VPS35L: variants seen among roughly 807,000 people sequenced by gnomAD.
VPS35L encodes VPS35 endosomal protein sorting factor like.
In VPS35L, 83 loss-of-function variants were observed where a neutral mutation model predicts 133.0. The ratio of observed to expected loss-of-function variants is 0.62; its 90% CI spans 0.52 to 0.75. The LOEUF (loss-of-function observed/expected upper bound fraction) is 0.75. Ranked by LOEUF, VPS35L falls within the 30% of genes least tolerant of loss-of-function variation. The probability of loss-of-function intolerance (pLI) is 0.00; values close to 1 mark genes in which losing one functional copy is unlikely to be tolerated. For missense variants in VPS35L, 1,083 were observed against 1,206.8 expected (o/e 0.90, Z 1.52); for synonymous variants, 423 against 449.9 (o/e 0.94, Z 0.76).
At chr16:19,573,981 C>T (rs1301336026) in intron 4 of VPS35L, among the ~76,000 whole-genome samples, 3 of 152,090 alleles carry the variant, frequency 2.0e-5, no homozygotes, top group Non-Finnish European at 2.9e-5. Flanking sequence ...TGGCTTTGGC[C>T]TCAAGACACT....
In VPS35L at chr16:19,569,511, C is replaced by G. The variant is rs1567387198; in HGVS notation, c.205C>G (p.Leu69Val). 6.2e-7 allele frequency: 1 copy of G among 1,611,012 alleles called. No homozygotes were observed. Among genetic ancestry groups the G allele is most frequent in the Non-Finnish European group, 8.5e-7 (1 of 1,178,742 alleles). ...CTCCTCCAGCTCCGTGGTGGACCCGCTGAGCAGCGTCCTCGATGGGACTGA... is the reference window on the plus strand; with the variant it reads ...CTCCTCCAGCTCCGTGGTGGACCCGGTGAGCAGCGTCCTCGATGGGACTGA... Reference protein sequence around the residue: ...SSSSSSVVDPLSSVLDGTDPL... With the variant: ...SSSSSSVVDPVSSVLDGTDPL... Residue 69 changes from leucine to valine, a missense_variant, in exon 3 of 31, where the codon CTG becomes GTG. Physicochemically the swap from Leu to Val is conservative, Grantham distance 32 (BLOSUM62 1). Transcript: ENST00000417362.
chr16:19,588,439 A>C (rs901686582), intron 7 of VPS35L, among the ~76,000 whole-genome samples: 4 of 151,374 alleles, frequency 2.6e-5, no homozygotes, highest in Admixed American at 1.3e-4. Context: ...TGATCCACCC[A>C]CCTTGCCCCC....
chr16:19,585,973 A>G (rs1363278358), intron 7 of VPS35L, among the ~76,000 whole-genome samples: 2 of 151,304 alleles, frequency 1.3e-5, no homozygotes, highest in South Asian at 2.1e-4. Flanking sequence ...TCACAGCTCA[A>G]TATAGCCTTG....
intron 14 of VPS35L, among the ~76,000 whole-genome samples, chr16:19,619,237 ATC>A (rs1972999408): frequency 6.6e-6 from 1 of 151,818 alleles, no homozygotes; most frequent in Non-Finnish European, 1.5e-5. Flanking sequence ...CCAGCCGCCC[ATC>A]TCTGTTTTCT....
Position 19,608,213 on chromosome 16 carries a change from A to C in VPS35L, c.820A>C (p.Lys274Gln), listed in dbSNP as rs780037763. Reference sequence around the variant, plus strand: ...TCCAGAGAATGCAAATGACACGGCCAAGGAAACATGCCTAAATTGGTTTTT... The same window carrying C: ...TCCAGAGAATGCAAATGACACGGCCCAGGAAACATGCCTAAATTGGTTTTT... ...FSPENANDTA[K>Q]ETCLNWFFKI... is the part of the protein sequence containing the mutation. The change falls in exon 10 of 31, where the codon AAG becomes CAG. Residue 274 changes from lysine (K) to glutamine (Q), a missense_variant. Transcript: ENST00000417362. The C allele has an allele frequency of 1.2e-6, 2 of 1,613,560 alleles. No individual in the cohort carries two copies. Among genetic ancestry groups the C allele is most frequent in the South Asian group, 2.2e-5 (2 of 91,060 alleles).
intron 21 of VPS35L, among the ~76,000 whole-genome samples, chr16:19,642,077 A>T (rs1331073506): frequency 6.6e-6 from 1 of 152,000 alleles, no homozygotes; most frequent in Non-Finnish European, 1.5e-5. Context: ...GGGTGTGGTG[A>T]CGCACGTATG....
chr16:19,634,209 T>C (rs1368669391), intron 19 of VPS35L, among the ~76,000 whole-genome samples: 1 of 151,928 alleles, frequency 6.6e-6, no homozygotes, highest in Non-Finnish European at 1.5e-5. Context: ...CCCAGCACTT[T>C]GGGAGGCCAA....
chr16:19,691,396 G>A lies in VPS35L; in HGVS notation c.2571G>A (p.Leu857=), dbSNP rs781312470. The change falls in exon 29 of 31, where the codon CTG becomes CTA. Residue 857 remains leucine (L), a synonymous_variant. Coordinates refer to ENST00000417362, the MANE Select transcript of VPS35L (RefSeq NM_020314.7). ...DSLYGGDSKF[L]AENNKLCETV... is the part of the protein sequence containing the mutation. ...TCTACGGGGGAGACTCCAAGTTCCTGGCAGAAAACAACAAGCTGTGTGAGA... is the reference window on the plus strand; with the variant it reads ...TCTACGGGGGAGACTCCAAGTTCCTAGCAGAAAACAACAAGCTGTGTGAGA... 1 of 1,613,972 alleles carries A rather than the reference G, an allele frequency of 6.2e-7. No individual in the cohort carries two copies. Among genetic ancestry groups the A allele is most frequent in the South Asian group, 1.1e-5 (1 of 91,060 alleles).
chr16:19,599,197 G>A (rs1239578493), intron 8 of VPS35L, among the ~76,000 whole-genome samples: 2 of 152,188 alleles, frequency 1.3e-5, no homozygotes, highest in African/African-American at 2.4e-5. Context: ...CTCATACTCA[G>A]CTGCACATTG....
chr16:19,624,019 G>A (rs975245846), intron 14 of VPS35L, among the ~76,000 whole-genome samples: 9 of 149,172 alleles, frequency 6.0e-5, no homozygotes, highest in Non-Finnish European at 1.2e-4. Context: ...GCCCAGACTG[G>A]TCTTGAACTC....
At chr16:19,572,064 C>T (rs1050808840) in intron 3 of VPS35L, among the ~76,000 whole-genome samples, 3 of 152,114 alleles carry the variant, frequency 2.0e-5, no homozygotes, top group African/African-American at 4.8e-5. Context: ...GCATGTGTCT[C>T]GAACACACAC....
chr16:19,630,459 G>A lies in VPS35L; in HGVS notation c.1554+639G>A, dbSNP rs529468539. Among the ~76,000 whole-genome samples, 212 of 148,084 alleles carry A rather than the reference G, an allele frequency of 1.4e-3. 1 individual carries two copies. The highest frequency in any genetic ancestry group is 2.4e-3 in the Non-Finnish European group (164 of 67,424). On this transcript the variant is annotated intron_variant, in intron 18 of 30. Coordinates refer to ENST00000417362, the MANE Select transcript of VPS35L (RefSeq NM_020314.7). ...CGCCATTCTCCTGCCTCATCCTCCC[G>A]AGTAGCTGGGACTACAGGCGCCTGC...
chr16:19,614,040 G>A (rs763711681), intron 12 of VPS35L, among the ~76,000 whole-genome samples: 15 of 151,632 alleles, frequency 9.9e-5, no homozygotes, highest in Non-Finnish European at 1.8e-4. Flanking sequence ...GAGCGTGGGG[G>A]GAGCTTGAAG....
intron 26 of VPS35L, among the ~76,000 whole-genome samples, 158 bp from the exon 27 acceptor site, chr16:19,669,002 C>T (rs1216950189): frequency 6.6e-6 from 1 of 152,264 alleles, no homozygotes; most frequent in African/African-American, 2.4e-5. Context: ...ATTCCTCCAG[C>T]TCCATCATGG....
In VPS35L at chr16:19,611,838, G is replaced by C. The variant is rs540199768; in HGVS notation, c.1023+1423G>C. On this transcript the variant is annotated intron_variant, in intron 12 of 30. Coordinates refer to ENST00000417362, the MANE Select transcript of VPS35L (RefSeq NM_020314.7). ...ACAACTTTTGAATATATTAAAGCTT[G>C]AATACTCCTCCCAAGTCAGTGTTTG... The C allele has an allele frequency of 2.0e-5, 3 of 151,970 alleles. No individual in the cohort carries two copies. The East Asian group carries it at 5.8e-4, about 30-fold the overall frequency. 9.4% of individuals were successfully genotyped at this position (151,970 alleles called of 1,614,324 possible).
rs193236100 is a variant in VPS35L at position 19,578,878 on chromosome 16, G to A, written c.434-174G>A. 64 of 648,142 alleles carry A rather than the reference G, an allele frequency of 9.9e-5. No homozygotes were observed. In the East Asian group the frequency reaches 1.6e-3, roughly 17 times the overall value. The allele number at this position is 648,142 out of a possible 1,614,324, so 40.1% of individuals were successfully genotyped here. A position where few individuals can be genotyped will look rare whatever the true frequency, so the allele number is the denominator to read the frequency against. ...GCAGCTTCTAAGTGGGAAATGTTTC[G>A]ATGGAATTCTGGTTACATAAGGAAG... On this transcript the variant is annotated intron_variant, in intron 5 of 30. Transcript: ENST00000417362.
At chr16:19,575,059 T>C in intron 4 of VPS35L, 39 bp from the exon 5 acceptor site, 2 of 1,548,470 alleles carry the variant, frequency 1.3e-6, no homozygotes, top group Non-Finnish European at 1.8e-6. Context: ...CATACTGCCT[T>C]CGATTTTTAA....
chr16:19,588,723 A>G (rs2151525013), intron 7 of VPS35L, among the ~76,000 whole-genome samples: 1 of 151,618 alleles, frequency 6.6e-6, no homozygotes, highest in South Asian at 2.1e-4. Flanking sequence ...TTTTTTCACT[A>G]CATGGACAAT....
intron 26 of VPS35L, 30 bp downstream of exon 26, chr16:19,652,120 C>T: frequency 6.9e-7 from 1 of 1,450,442 alleles, no homozygotes; most frequent in South Asian, 1.2e-5. Context: ...ATCTCGGGCA[C>T]TCCCTTGCTG....
Sources: gnomAD v4.1 joint callset for allele counts (sites outside exome capture counted in the v4.1 genomes callset) on GRCh38, gnomAD v4.1.1 for gene constraint, MANE v1.5 for transcripts, NCBI Gene and HGNC (gene_info 2026-07-23, HGNC 2026-07-21) for gene names.